ARHGAP24: variants seen among roughly 807,000 people sequenced by gnomAD.
ARHGAP24 encodes Rho GTPase activating protein 24, also known as rho GTPase-activating protein 24.
ARHGAP24 carries 50 observed loss-of-function variants against 76.4 expected under a neutral mutation model. The ratio of observed to expected loss-of-function variants is 0.65; its 90% CI spans 0.52 to 0.83. The LOEUF (loss-of-function observed/expected upper bound fraction) is 0.83. Among genes scored for constraint, ARHGAP24 ranks in the 40% least tolerant of loss-of-function variants. The pLI, the probability that ARHGAP24 is intolerant of heterozygous loss-of-function variation, is 0.00. For missense variants in ARHGAP24, 930 were observed against 914.2 expected, an observed-to-expected ratio of 1.02 and a Z score of -0.22; for synonymous variants, 345 against 323.3, an observed-to-expected ratio of 1.07 and a Z score of -0.72.
At chr4:85,758,271 G>C (rs1213589419) in intron 3 of ARHGAP24, among the ~76,000 whole-genome samples, 1 of 152,204 alleles carries the variant, frequency 6.6e-6, no homozygotes, top group Non-Finnish European at 1.5e-5. Flanking sequence ...ACCTACAAGA[G>C]TGAGGGTCCT....
intron 2 of ARHGAP24, among the ~76,000 whole-genome samples, chr4:85,667,311 G>A (rs1004189718): frequency 6.6e-6 from 1 of 152,190 alleles, no homozygotes; most frequent in African/African-American, 2.4e-5. Flanking sequence ...CCAGGTGCTG[G>A]ATATAATCTC....
At chr4:85,584,781 C>G (rs886821546) in intron 2 of ARHGAP24, among the ~76,000 whole-genome samples, 1 of 152,032 alleles carries the variant, frequency 6.6e-6, no homozygotes, top group Admixed American at 6.6e-5. Context: ...AAAGAAGGAA[C>G]TTCATTCCTA....
At chr4:85,871,050 G>A (rs1356799592) in intron 3 of ARHGAP24, among the ~76,000 whole-genome samples, 3 of 152,146 alleles carry the variant, frequency 2.0e-5, no homozygotes, top group Middle Eastern at 3.4e-3. Context: ...TCTCTCTTTT[G>A]AATAAAGGTC....
At chr4:85,868,972 A>G (rs1732365619) in intron 3 of ARHGAP24, among the ~76,000 whole-genome samples, 1 of 151,866 alleles carries the variant, frequency 6.6e-6, no homozygotes, top group African/African-American at 2.4e-5. Flanking sequence ...TATTTTGTAT[A>G]TCATATATCT....
At chr4:85,544,792 T>C (rs1020220987) in intron 1 of ARHGAP24, among the ~76,000 whole-genome samples, 1 of 152,168 alleles carries the variant, frequency 6.6e-6, no homozygotes, top group Non-Finnish European at 1.5e-5. Context: ...GTCCTTACAA[T>C]TGTTACAACT....
chr4:85,603,859 G>A (rs1335505187), intron 2 of ARHGAP24, among the ~76,000 whole-genome samples: 3 of 152,054 alleles, frequency 2.0e-5, no homozygotes, highest in Admixed American at 6.6e-5. Context: ...TCAATTAAGC[G>A]TTGATTTTTT....
intron 2 of ARHGAP24, among the ~76,000 whole-genome samples, chr4:85,625,357 T>C (rs1330265273): frequency 1.3e-5 from 2 of 152,218 alleles, no homozygotes; most frequent in African/African-American, 4.8e-5. Flanking sequence ...AGCAGGTTGT[T>C]CAGTTTCCAT....
At chr4:85,547,277 C>T (rs909194724) in intron 1 of ARHGAP24, among the ~76,000 whole-genome samples, 16 of 152,114 alleles carry the variant, frequency 1.1e-4, no homozygotes, top group African/African-American at 3.6e-4. Context: ...TTTGAAAACA[C>T]GGCTAGCTAT....
At chr4:85,708,309 A>G (rs1399411374) in intron 2 of ARHGAP24, among the ~76,000 whole-genome samples, 3 of 152,186 alleles carry the variant, frequency 2.0e-5, no homozygotes. Context: ...TAAAAGAAAA[A>G]TGATGTTAAC....
intron 1 of ARHGAP24, among the ~76,000 whole-genome samples, chr4:85,534,341 G>A (rs1374441865): frequency 6.6e-6 from 1 of 152,190 alleles, no homozygotes; most frequent in Non-Finnish European, 1.5e-5. Context: ...GAGCAAGTTT[G>A]GTTTTACTAA....
intron 3 of ARHGAP24, among the ~76,000 whole-genome samples, chr4:85,906,192 A>G (rs973543215): frequency 3.9e-5 from 6 of 152,214 alleles, no homozygotes. Context: ...CATACAAAGT[A>G]CACATTATAG....
At chr4:85,580,902 C>T (rs1240012913) in intron 2 of ARHGAP24, among the ~76,000 whole-genome samples, 1 of 152,134 alleles carries the variant, frequency 6.6e-6, no homozygotes, top group Non-Finnish European at 1.5e-5. Flanking sequence ...TTTTAGATTC[C>T]AGCAACCTGT....
chr4:85,816,563 A>G lies in ARHGAP24; in HGVS notation c.268+94591A>G, dbSNP rs1009448327. Among the ~76,000 whole-genome samples the G allele has an allele frequency of 9.9e-5, 15 of 152,272 alleles. No homozygotes were observed. The East Asian group carries it at 1.5e-3, about 16-fold the overall frequency. On this transcript the variant is annotated intron_variant, in intron 3 of 9. Transcript: ENST00000395184. ...GAAAACTTTTTTTGTTATTTTACCT[A>G]GTTTCTATTCCTTTTGGATCTTTTT...
intron 2 of ARHGAP24, among the ~76,000 whole-genome samples, chr4:85,716,017 A>G (rs185589676): frequency 2.9e-4 from 44 of 152,224 alleles, no homozygotes; most frequent in African/African-American, 8.7e-4. Flanking sequence ...AATCTCATTA[A>G]AAATGGACAT....
chr4:85,665,693 CT>C (rs1297745157), intron 2 of ARHGAP24, among the ~76,000 whole-genome samples: 1 of 152,100 alleles, frequency 6.6e-6, no homozygotes, highest in Non-Finnish European at 1.5e-5. Context: ...TTCAGGAGCT[CT>C]TTTAGGGCAG....
intron 5 of ARHGAP24, among the ~76,000 whole-genome samples, chr4:85,966,954 G>A (rs1212158378): frequency 6.6e-6 from 1 of 151,988 alleles, no homozygotes; most frequent in African/African-American, 2.4e-5. Flanking sequence ...TTCTAATTTT[G>A]AGGCTTAAAT....
chr4:85,518,234 T>C (rs1578197916), intron 1 of ARHGAP24, among the ~76,000 whole-genome samples: 1 of 152,266 alleles, frequency 6.6e-6, no homozygotes, highest in East Asian at 1.9e-4. Context: ...TGAAAAAGAA[T>C]TGGTGCTTAG....
At chr4:85,744,295 G>A (rs1167924649) in intron 3 of ARHGAP24, among the ~76,000 whole-genome samples, 1 of 152,170 alleles carries the variant, frequency 6.6e-6, no homozygotes, top group Non-Finnish European at 1.5e-5. Flanking sequence ...GAGAGGCAAG[G>A]AGTCTGGCTT....
intron 1 of ARHGAP24, among the ~76,000 whole-genome samples, chr4:85,525,315 C>T (rs1375345376): frequency 7.7e-6 from 1 of 129,776 alleles, no homozygotes; most frequent in African/African-American, 3.0e-5. Flanking sequence ...GCATTTATAT[C>T]CTTTTCACAC....
Sources: allele counts gnomAD v4.1 joint callset (sites outside exome capture counted in the v4.1 genomes callset), GRCh38; gene constraint gnomAD v4.1.1; transcripts MANE v1.5; gene names NCBI Gene and HGNC (gene_info 2026-07-23, HGNC 2026-07-21).